Variants in WAC observed in about 807,000 individuals in gnomAD.
WAC encodes WW domain-containing adapter protein with coiled-coil.
Under a neutral mutation model 79.6 loss-of-function variants are expected in WAC, and 11 were observed. That is an observed-to-expected ratio of 0.14 (90% confidence interval 0.09 to 0.23). The LOEUF (loss-of-function observed/expected upper bound fraction) is 0.23. WAC is among the 10% of genes least tolerant of loss of function. The pLI, the probability that WAC is intolerant of heterozygous loss-of-function variation, is 1.00. For missense variants in WAC, 728 were observed against 773.5 expected (o/e 0.94, Z 0.70); for synonymous variants, 304 against 276.9 (o/e 1.10, Z -0.97).
chr10:28,567,567 A>T (rs1455524119), intron 3 of WAC, among the ~76,000 whole-genome samples: 1 of 152,146 alleles, frequency 6.6e-6, no homozygotes, highest in Non-Finnish European at 1.5e-5. Flanking sequence ...CCAGGCAAAG[A>T]TGTAGGGTGG....
At chr10:28,547,395 C>T (rs566476118) in intron 3 of WAC, among the ~76,000 whole-genome samples, 110 of 152,044 alleles carry the variant, frequency 7.2e-4, no homozygotes, top group African/African-American at 2.4e-3. Context: ...ATTAGCTGGG[C>T]GTGGTGGCAT....
Position 28,552,363 on chromosome 10 carries a change from A to AGT in WAC, c.274+16607_274+16608dup, listed in dbSNP as rs150947164. On this transcript the variant is annotated intron_variant, in intron 3 of 13. Coordinates refer to ENST00000354911, the MANE Select transcript of WAC (RefSeq NM_016628.5). The stretch of plus-strand genomic sequence containing the variant: ...AATCAGGCCTGTTGGTCAGAGTGGT[A>AGT]GTTTATATTTTGGTTTGTTAGCGCT... 5.9e-3 allele frequency among the ~76,000 whole-genome samples: 902 copies of AGT among 152,234 alleles called. 12 individuals are homozygous for AGT. Among genetic ancestry groups the AGT allele is most frequent in the African/African-American group, 0.021 (857 of 41,526 alleles).
chr10:28,611,830 T>C lies in WAC; in HGVS notation c.1345T>C (p.Ser449Pro), dbSNP rs760180324. The change falls in exon 10 of 14, where the codon TCA becomes CCA. Residue 449 changes from serine to proline, a missense_variant. Ser to Pro is a moderately conservative substitution (Grantham distance 74). Coordinates refer to ENST00000354911, the MANE Select transcript of WAC (RefSeq NM_016628.5). Reference sequence around the variant, plus strand: ...AACATCTGATGCGTCATCCCCAAGATCATATGTTTCTCCAAGAATAAGCAC... The same window carrying C: ...AACATCTGATGCGTCATCCCCAAGACCATATGTTTCTCCAAGAATAAGCAC... ...SLTSDASSPRSYVSPRISTPQ... is the reference protein window; with the variant it reads ...SLTSDASSPRPYVSPRISTPQ... 2.2e-5 allele frequency: 36 copies of C among 1,614,104 alleles called. No individual in the cohort carries two copies. The highest frequency in any genetic ancestry group is 3.1e-5 in the Non-Finnish European group (36 of 1,180,004).
intron 3 of WAC, among the ~76,000 whole-genome samples, chr10:28,544,179 ACTT>A (rs910028842): frequency 1.9e-4 from 29 of 152,150 alleles, no homozygotes; most frequent in Non-Finnish European, 3.4e-4. Context: ...CACTGAGCCC[ACTT>A]CTTTCCAGAT....
intron 3 of WAC, among the ~76,000 whole-genome samples, chr10:28,536,998 C>T (rs968793763): frequency 6.6e-6 from 1 of 152,156 alleles, no homozygotes; most frequent in Non-Finnish European, 1.5e-5. Context: ...CCCTTTTGTC[C>T]ACCTAGGATA....
intron 3 of WAC, among the ~76,000 whole-genome samples, chr10:28,546,580 T>G (rs552298872): frequency 2.0e-5 from 3 of 152,196 alleles, no homozygotes; most frequent in African/African-American, 7.2e-5. Context: ...TTTTAAAGAA[T>G]AATGAGTTAA....
At position 28,619,803 on chromosome 10, in the gene WAC, T is replaced by C. The variant is rs1315936534; in HGVS notation, c.*197T>C. ...TTGTAAAACCCTTGAAATGTAGATT[T>C]CTTGTAGATGTATCCTTCACGTTGT... is the stretch of plus-strand genomic sequence containing the variant. On this transcript the variant is annotated 3_prime_UTR_variant, in exon 14 of 14. Coordinates refer to ENST00000354911, the MANE Select transcript of WAC (RefSeq NM_016628.5). The C allele has an allele frequency of 6.3e-6, 3 of 476,222 alleles. No homozygotes were observed. Among genetic ancestry groups the C allele is most frequent in the Non-Finnish European group, 1.1e-5 (3 of 271,664 alleles). 29.5% of individuals were successfully genotyped at this position (476,222 alleles called of 1,614,324 possible).
chr10:28,564,121 C>T (rs907399067), intron 3 of WAC, among the ~76,000 whole-genome samples: 2 of 151,864 alleles, frequency 1.3e-5, no homozygotes, highest in African/African-American at 4.8e-5. Context: ...AAAAATGAGC[C>T]AGGCATGGTG....
At chr10:28,597,471 G>A (rs1840438298) in intron 7 of WAC, among the ~76,000 whole-genome samples, 1 of 151,942 alleles carries the variant, frequency 6.6e-6, no homozygotes, top group Non-Finnish European at 1.5e-5. Flanking sequence ...ACTCCTTTTT[G>A]AAATTCTTTC....
At chr10:28,603,505 T>C (rs2132761317) in intron 7 of WAC, among the ~76,000 whole-genome samples, 1 of 152,328 alleles carries the variant, frequency 6.6e-6, no homozygotes, top group Admixed American at 6.5e-5. Context: ...TGTTTAGCTC[T>C]TTTCAAAGAT....
At chr10:28,605,766 A>G (rs1840910897) in intron 7 of WAC, among the ~76,000 whole-genome samples, 1 of 152,186 alleles carries the variant, frequency 6.6e-6, no homozygotes, top group African/African-American at 2.4e-5. Context: ...GGTAGCACCA[A>G]ATAAAATTGT....
chr10:28,571,057 G>T (rs1838933361), intron 3 of WAC, among the ~76,000 whole-genome samples: 1 of 140,888 alleles, frequency 7.1e-6, no homozygotes, highest in African/African-American at 2.6e-5. Flanking sequence ...CCTGGGTTCA[G>T]ACGATTCTCC....
intron 3 of WAC, among the ~76,000 whole-genome samples, chr10:28,566,173 G>A (rs1247302450): frequency 6.6e-6 from 1 of 152,126 alleles, no homozygotes; most frequent in Non-Finnish European, 1.5e-5. Context: ...AATACTTTCT[G>A]TCTTACTCTT....
At chr10:28,568,152 G>A (rs183447783) in intron 3 of WAC, among the ~76,000 whole-genome samples, 22 of 152,302 alleles carry the variant, frequency 1.4e-4, no homozygotes, top group African/African-American at 4.1e-4. Context: ...AGTTATTTTT[G>A]ATAGGTGTTA....
chr10:28,541,674 A>G (rs1436638424), intron 3 of WAC, among the ~76,000 whole-genome samples: 1 of 152,082 alleles, frequency 6.6e-6, no homozygotes, highest in African/African-American at 2.4e-5. Context: ...TAGGCTGATC[A>G]GTATTATTCC....
At chr10:28,555,563 G>A (rs1837935796) in intron 3 of WAC, among the ~76,000 whole-genome samples, 1 of 152,188 alleles carries the variant, frequency 6.6e-6, no homozygotes, top group Non-Finnish European at 1.5e-5. Context: ...GCAAGGAGTA[G>A]TGTAGGAGTC....
intron 3 of WAC, among the ~76,000 whole-genome samples, chr10:28,558,529 T>C (rs1421657674): frequency 6.6e-6 from 1 of 152,208 alleles, no homozygotes; most frequent in East Asian, 1.9e-4. Flanking sequence ...ATTTTAATTC[T>C]TTTGAGTTAT....
chr10:28,602,295 TAAAG>T (rs1840682452), intron 7 of WAC, among the ~76,000 whole-genome samples: 1 of 152,320 alleles, frequency 6.6e-6, no homozygotes, highest in South Asian at 2.1e-4. Context: ...TAAAACAAGT[TAAAG>T]AATACTTTCT....
chr10:28,602,953 T>C (rs1301391547), intron 7 of WAC, among the ~76,000 whole-genome samples: 2 of 152,168 alleles, frequency 1.3e-5, no homozygotes, highest in Non-Finnish European at 2.9e-5. Context: ...ACAGCACATA[T>C]CAAATAATTG....
Sources: gnomAD v4.1 joint callset for allele counts (sites outside exome capture counted in the v4.1 genomes callset) on GRCh38, gnomAD v4.1.1 for gene constraint, MANE v1.5 for transcripts, NCBI Gene and HGNC (gene_info 2026-07-23, HGNC 2026-07-21) for gene names.